Variants in FUS observed in about 807,000 individuals in gnomAD.
The protein encoded by FUS is FUS RNA binding protein.
FUS carries 5 observed loss-of-function variants against 82.7 expected under a neutral mutation model. The ratio of observed to expected loss-of-function variants is 0.06; its 90% CI spans 0.03 to 0.13. FUS has a LOEUF of 0.13. Ranked by LOEUF, FUS falls within the 10% of genes least tolerant of loss-of-function variation. The probability of loss-of-function intolerance (pLI) is 1.00; values close to 1 mark genes in which losing one functional copy is unlikely to be tolerated. For missense variants in FUS, 512 were observed against 707.8 expected (o/e 0.72, Z 3.14); for synonymous variants, 281 against 247.4 (o/e 1.14, Z -1.27).
chr16:31,182,385 T>G lies in FUS; in HGVS notation c.14-13T>G. ...GCAGCTGAAGATAATGTGATTGTATTTTTCTTTTGCAGATTATACCCAACA... is the reference window on the plus strand; with the variant it reads ...GCAGCTGAAGATAATGTGATTGTATGTTTCTTTTGCAGATTATACCCAACA... On this transcript the variant is annotated splice_polypyrimidine_tract_variant and intron_variant, in intron 1 of 14. Transcript: ENST00000254108. 1.9e-6 allele frequency: 3 copies of G among 1,614,156 alleles called. No individual in the cohort carries two copies. The highest frequency in any genetic ancestry group is 2.5e-6 in the Non-Finnish European group (3 of 1,179,972).
chr16:31,193,231 A>G (rs916919130), downstream of FUS: 4 of 499,624 alleles, frequency 8.0e-6, no homozygotes, highest in Admixed American at 9.1e-5. Flanking sequence ...GAGGAATAGC[A>G]GGTTTACTTC....
Position 31,180,191 on chromosome 16 carries a change from T to C in FUS, c.-24T>C, listed in dbSNP as rs2058033259. 4 of 1,610,194 alleles carry C rather than the reference T, an allele frequency of 2.5e-6. No homozygotes were observed. Among genetic ancestry groups the C allele is most frequent in the Non-Finnish European group, 8.5e-7 (1 of 1,178,290 alleles). On this transcript the variant is annotated 5_prime_UTR_variant, in exon 1 of 15. Coordinates refer to ENST00000254108, the MANE Select transcript of FUS (RefSeq NM_004960.4). ...GCGGTGTTGGAACTTCGTTGCTTGC[T>C]TGCCTGTGCGCGCGTGCGCGGACAT...
downstream of FUS, chr16:31,192,942 G>A (rs984849667): frequency 2.1e-6 from 1 of 485,580 alleles, no homozygotes; most frequent in Non-Finnish European, 4.1e-6. Context: ...TTGAATCTTG[G>A]GTGATTTGAG....
chr16:31,183,043 G>A (rs1160317071), intron 3 of FUS: 2 of 312,606 alleles, frequency 6.4e-6, no homozygotes, highest in Non-Finnish European at 1.2e-5. Context: ...GCACTGAGAT[G>A]TTGAAACTGT....
At chr16:31,188,570 G>A in intron 8 of FUS, 1 of 617,952 alleles carries the variant, frequency 1.6e-6, no homozygotes, top group Non-Finnish European at 2.8e-6. Context: ...AGTGATTTAG[G>A]TCTGAGAGGA....
intron 3 of FUS, chr16:31,182,897 G>A: frequency 1.9e-6 from 1 of 514,094 alleles, no homozygotes; most frequent in East Asian, 3.7e-5. Context: ...TGTGTTTTTA[G>A]TAGAGATGGG....
intron 9 of FUS, 90 bp downstream of exon 9, chr16:31,189,316 A>G: frequency 2.9e-6 from 3 of 1,018,774 alleles, no homozygotes; most frequent in Admixed American, 1.7e-5. Flanking sequence ...AATGGTTGCC[A>G]GCAGTAAAAA....
downstream of FUS, chr16:31,191,949 T>C (rs763944586): frequency 9.4e-6 from 5 of 533,592 alleles, no homozygotes; most frequent in East Asian, 3.9e-5. Flanking sequence ...GCCCTTTTAA[T>C]GGTGAGGCTC....
rs759668256 is a variant in FUS at position 31,180,162 on chromosome 16, C to G, written c.-53C>G. The G allele has an allele frequency of 2.5e-6, 4 of 1,600,846 alleles. No homozygotes were observed. Among genetic ancestry groups the G allele is most frequent in the Non-Finnish European group, 3.4e-6 (4 of 1,173,716 alleles). ...CTGCTCAGTCCTCCAGGCGTCGGTACTCAGCGGTGTTGGAACTTCGTTGCT... is the reference window on the plus strand; with the variant it reads ...CTGCTCAGTCCTCCAGGCGTCGGTAGTCAGCGGTGTTGGAACTTCGTTGCT... On this transcript the variant is annotated 5_prime_UTR_variant, in exon 1 of 15. Transcript: ENST00000254108.
Position 31,186,641 on chromosome 16 carries a change from G to A in FUS, c.765-161G>A, listed in dbSNP as rs966274431. 41 of 695,878 alleles carry A rather than the reference G, an allele frequency of 5.9e-5. No homozygotes were observed. The African/African-American group carries it at 6.6e-4, about 11-fold the overall frequency. The allele number at this position is 695,878 out of a possible 1,614,324, so 43.1% of individuals were successfully genotyped here. ...ACACGTGTGTGTGACATGCTCAAAG[G>A]TCAGACAAGGGGTGGTCAGGAAGGG... On this transcript the variant is annotated intron_variant, in intron 6 of 14. Transcript: ENST00000254108.
chr16:31,188,807 G>A (rs2079310129), intron 8 of FUS: 1 of 469,432 alleles, frequency 2.1e-6, no homozygotes, highest in Non-Finnish European at 3.8e-6. Context: ...TATTTAATTC[G>A]GGGACCTTCA....
At position 31,191,483 on chromosome 16, in the gene FUS, C is replaced by G. The variant is rs1423919139; in HGVS notation, c.*45C>G. ...TCTGGAACAGCTTTTTGTCCTGTAC[C>G]CAGTGTTACCCTCGTTATTTTGTAA... On this transcript the variant is annotated 3_prime_UTR_variant, in exon 15 of 15. Coordinates refer to ENST00000254108, the MANE Select transcript of FUS (RefSeq NM_004960.4). 2 of 1,595,916 alleles carry G rather than the reference C, an allele frequency of 1.3e-6. No individual in the cohort carries two copies. Among genetic ancestry groups the G allele is most frequent in the African/African-American group, 1.3e-5 (1 of 74,538 alleles).
chr16:31,191,800 T>A, downstream of FUS: 1 of 575,718 alleles, frequency 1.7e-6, no homozygotes, highest in Non-Finnish European at 3.3e-6. Flanking sequence ...AAATGAGAAA[T>A]GAAGAACATG....
intron 1 of FUS, 35 bp downstream of exon 1, chr16:31,180,262 C>T (rs368396396): frequency 1.4e-5 from 22 of 1,596,670 alleles, no homozygotes; most frequent in African/African-American, 5.4e-5. Context: ...CGGCGGCGCA[C>T]CCGGCCGAGG....
intron 5 of FUS, 133 bp downstream of exon 5, chr16:31,184,529 C>T (rs1021127678): frequency 1.9e-5 from 18 of 936,458 alleles, no homozygotes; most frequent in East Asian, 7.9e-5. Context: ...CTGCAAGCTC[C>T]GCCTTCCGGG....
At chr16:31,188,229 TA>T in intron 7 of FUS, 95 bp from the exon 8 acceptor site, 1 of 1,312,716 alleles carries the variant, frequency 7.6e-7, no homozygotes, top group Non-Finnish European at 1.1e-6. Context: ...GATTTGGTGT[TA>T]ATTTTTTTCC....
downstream of FUS, chr16:31,193,181 A>G (rs1182517527): frequency 2.0e-6 from 1 of 490,006 alleles, no homozygotes; most frequent in East Asian, 4.8e-5. Context: ...ACCTCAGGTG[A>G]TGTGCACACC....
chr16:31,192,306 G>C, downstream of FUS: 2 of 527,214 alleles, frequency 3.8e-6, no homozygotes, highest in Non-Finnish European at 7.4e-6. Context: ...GGGGGAAGGG[G>C]TTGCAGCCAA....
At chr16:31,190,880 A>T in intron 13 of FUS, 38 bp downstream of exon 13, 1 of 1,613,384 alleles carries the variant, frequency 6.2e-7, no homozygotes, top group Non-Finnish European at 8.5e-7. Context: ...AGCTGGGACC[A>T]AAGAATCCTT....
Sources: gnomAD v4.1 joint callset for allele counts on GRCh38, gnomAD v4.1.1 for gene constraint, MANE v1.5 for transcripts, NCBI Gene and HGNC (gene_info 2026-07-23, HGNC 2026-07-21) for gene names.